The following FAM135A variants were observed in gnomAD, a reference collection of about 807,000 sequenced individuals.
FAM135A encodes family with sequence similarity 135 member A.
A neutral mutation model predicts 146.8 loss-of-function variants in FAM135A; 79 were observed. The observed-to-expected ratio is 0.54, with a 90% CI of 0.45 to 0.65. The LOEUF (loss-of-function observed/expected upper bound fraction) is 0.65, where lower values mean the gene tolerates loss of function less well. Ranked by LOEUF, FAM135A falls within the 30% of genes least tolerant of loss-of-function variation. The probability of loss-of-function intolerance (pLI) is 0.00; values close to 1 mark genes in which losing one functional copy is unlikely to be tolerated. For missense variants in FAM135A, 1,623 were observed against 1,758.2 expected (o/e 0.92, Z 1.38); for synonymous variants, 562 against 603.6 (o/e 0.93, Z 1.01).
intron 5 of FAM135A, among the ~76,000 whole-genome samples, chr6:70,471,532 G>C (rs1031517523): frequency 6.6e-6 from 1 of 151,980 alleles, no homozygotes; most frequent in African/African-American, 2.4e-5. Flanking sequence ...GAATACATCC[G>C]GGGGAATGAC....
intron 4 of FAM135A, among the ~76,000 whole-genome samples, chr6:70,443,039 A>G (rs1222320714): frequency 6.6e-6 from 1 of 152,272 alleles, no homozygotes; most frequent in Admixed American, 6.5e-5. Flanking sequence ...TTGCCAGATT[A>G]TCTTTGGGAT....
Position 70,413,806 on chromosome 6 carries a change from C to G in FAM135A, c.-220+104C>G, listed in dbSNP as rs1038295203. On this transcript the variant is annotated intron_variant, in intron 1 of 21. Coordinates refer to ENST00000418814, the MANE Select transcript of FAM135A (RefSeq NM_001162529.3). The stretch of plus-strand genomic sequence containing the variant: ...GCCAGGAAGGAAGCGGCCTCCTCTT[C>G]GTCCGCCGTTCGCCCGCCGCGGCCC... The G allele has an allele frequency of 6.1e-6, 6 of 985,298 alleles. No homozygotes were observed. In the African/African-American group the frequency reaches 1.0e-4, roughly 17 times the overall value. 61.0% of individuals were successfully genotyped at this position (985,298 alleles called of 1,614,324 possible). A position where few individuals can be genotyped will look rare whatever the true frequency, so the allele number is the denominator to read the frequency against.
Position 70,502,687 on chromosome 6 carries a change from C to T in FAM135A, c.925C>T (p.Gln309Ter). ...AGAACTTATAAATATGAATCTTGCG[C>T]AACTTTGCTCACTTTTGATGGCTTT... The part of the protein sequence containing the change: ...LAELINMNLA[Q>*]LCSLLMALWG... The change falls in exon 12 of 22, where the codon CAA (glutamine) becomes TAA (stop). Residue 309 changes from glutamine (Q) to a stop codon, truncating the protein, a stop_gained. Coordinates refer to ENST00000418814, the MANE Select transcript of FAM135A (RefSeq NM_001162529.3). LOFTEE classifies it high-confidence loss of function. 1 of 1,613,110 alleles carries T rather than the reference C, an allele frequency of 6.2e-7. No individual in the cohort carries two copies.
chr6:70,457,716 T>G (rs950493391), intron 5 of FAM135A, among the ~76,000 whole-genome samples: 5 of 152,214 alleles, frequency 3.3e-5, no homozygotes, highest in African/African-American at 4.8e-5. Context: ...TCTATAAAAA[T>G]TAACAGAAGT....
At chr6:70,546,552 G>A (rs564983184) in intron 20 of FAM135A, among the ~76,000 whole-genome samples, 1 of 152,208 alleles carries the variant, frequency 6.6e-6, no homozygotes, top group East Asian at 1.9e-4. Context: ...ATTTTAAAAT[G>A]AAGAAAGCTT....
rs536279862 is a variant in FAM135A at position 70,424,356 on chromosome 6, C to T, written c.-133-2083C>T. 2.0e-5 allele frequency among the ~76,000 whole-genome samples: 3 copies of T among 152,300 alleles called. No individual in the cohort carries two copies. The East Asian group carries it at 5.8e-4, about 29-fold the overall frequency. On this transcript the variant is annotated intron_variant, in intron 2 of 21. Transcript: ENST00000418814. The stretch of plus-strand genomic sequence containing the variant: ...TCAGAAACATAATAGGATTCTTTTA[C>T]GTTTCTCTCCATTCAGTTCTCTGTG...
rs564545543 is a variant in FAM135A at position 70,558,358 on chromosome 6, T to C, written c.4343-1358T>C. ...ACCTCTCTAAAGCTCACACGTTCCATGGACACTGTTAGTACTCATTTATTA... is the reference window on the plus strand; with the variant it reads ...ACCTCTCTAAAGCTCACACGTTCCACGGACACTGTTAGTACTCATTTATTA... On this transcript the variant is annotated intron_variant, in intron 21 of 21. Coordinates refer to ENST00000418814, the MANE Select transcript of FAM135A (RefSeq NM_001162529.3). 8.8e-4 allele frequency among the ~76,000 whole-genome samples: 134 copies of C among 152,370 alleles called. 1 individual carries two copies. The highest frequency in any genetic ancestry group is 3.1e-3 in the African/African-American group (130 of 41,594).
At chr6:70,457,196 T>A (rs1022592207) in intron 5 of FAM135A, among the ~76,000 whole-genome samples, 2 of 152,230 alleles carry the variant, frequency 1.3e-5, no homozygotes, top group South Asian at 4.1e-4. Flanking sequence ...TTTGAGTGTT[T>A]TGTCTTTAGT....
intron 20 of FAM135A, among the ~76,000 whole-genome samples, chr6:70,544,362 C>G (rs575985407): frequency 2.0e-5 from 3 of 152,042 alleles, no homozygotes; most frequent in East Asian, 1.9e-4. Context: ...AACCCCATCT[C>G]TACTAAAAAT....
chr6:70,493,653 T>G (rs1173848669), intron 11 of FAM135A, among the ~76,000 whole-genome samples: 3 of 151,924 alleles, frequency 2.0e-5, no homozygotes, highest in Non-Finnish European at 1.5e-5. Context: ...CTAAACAGAG[T>G]TCATGTGAAG....
intron 8 of FAM135A, among the ~76,000 whole-genome samples, chr6:70,478,696 C>T (rs1310140393): frequency 3.3e-5 from 5 of 152,136 alleles, no homozygotes; most frequent in African/African-American, 1.2e-4. Context: ...ACATATATTT[C>T]TCCTGATGAC....
At chr6:70,546,976 G>A (rs1270401109) in intron 20 of FAM135A, among the ~76,000 whole-genome samples, 3 of 152,298 alleles carry the variant, frequency 2.0e-5, no homozygotes, top group Admixed American at 6.5e-5. Context: ...TATTACTAAA[G>A]CAGAGAGAGG....
rs73485167 is a variant in FAM135A, at chr6:70,543,681, T to C, written c.4228+5280T>C. 4.1e-3 allele frequency among the ~76,000 whole-genome samples: 626 copies of C among 152,332 alleles called. 3 individuals carry two copies. Among genetic ancestry groups the C allele is most frequent in the African/African-American group, 0.015 (605 of 41,564 alleles). On this transcript the variant is annotated intron_variant, in intron 20 of 21. Coordinates refer to ENST00000418814, the MANE Select transcript of FAM135A (RefSeq NM_001162529.3). ...GTGGAGCTATGGAGTTCATACCCTT[T>C]GCTGACAGGTTAGGAAATACGTGAA...
At chr6:70,430,545 A>C (rs1239304496) in intron 4 of FAM135A, among the ~76,000 whole-genome samples, 1 of 152,220 alleles carries the variant, frequency 6.6e-6, no homozygotes, top group Non-Finnish European at 1.5e-5. Flanking sequence ...TAAAGCCCAC[A>C]GCCACAGTTG....
intron 21 of FAM135A, among the ~76,000 whole-genome samples, chr6:70,559,158 C>T (rs929769217): frequency 2.0e-5 from 3 of 151,914 alleles, no homozygotes; most frequent in Admixed American, 2.0e-4. Context: ...TACCAAATTT[C>T]GGCTGGGCGC....
chr6:70,542,278 C>CACACACA (rs1424633787), intron 20 of FAM135A, among the ~76,000 whole-genome samples: 25 of 106,826 alleles, frequency 2.3e-4, no homozygotes, highest in African/African-American at 9.1e-4. Flanking sequence ...ACACACACAC[C>CACACACA]CTTTGCTGTG....
At chr6:70,556,605 T>G in intron 20 of FAM135A, 145 bp from the exon 21 acceptor site, 1 of 543,446 alleles carries the variant, frequency 1.8e-6, no homozygotes, top group Non-Finnish European at 3.2e-6. Flanking sequence ...TACAGAAATT[T>G]GGAGAAAGGA....
intron 4 of FAM135A, among the ~76,000 whole-genome samples, chr6:70,444,779 C>CAA (rs1775334907): frequency 6.6e-6 from 1 of 151,990 alleles, no homozygotes; most frequent in African/African-American, 2.4e-5. Flanking sequence ...AAGTGATGAA[C>CAA]AAATGGTATT....
intron 1 of FAM135A, among the ~76,000 whole-genome samples, chr6:70,414,252 T>G (rs2127652346): frequency 6.6e-6 from 1 of 152,316 alleles, no homozygotes; most frequent in Non-Finnish European, 1.5e-5. Context: ...CTTGGTTTTA[T>G]TTTCCTCTCA....
Sources: gnomAD v4.1 joint callset for allele counts (sites outside exome capture counted in the v4.1 genomes callset) on GRCh38, gnomAD v4.1.1 for gene constraint, MANE v1.5 for transcripts, NCBI Gene and HGNC (gene_info 2026-07-23, HGNC 2026-07-21) for gene names.